The following SLC7A2 variants were observed in gnomAD, a reference collection of about 807,000 sequenced individuals.
SLC7A2 encodes the protein cationic amino acid transporter 2.
A neutral mutation model predicts 58.9 loss-of-function variants in SLC7A2; 48 were observed. That is an observed-to-expected ratio of 0.82 (90% confidence interval 0.65 to 1.04). The LOEUF is 1.04. SLC7A2 is among the 50% of genes least tolerant of loss of function. The pLI is 0.00. For synonymous variants in SLC7A2, 363 were observed against 314.5 expected, an observed-to-expected ratio of 1.15 and a Z score of -1.63; for missense variants, 1,029 against 818.8, an observed-to-expected ratio of 1.26 and a Z score of -3.13.
intron 6 of SLC7A2, 147 bp downstream of exon 6, chr8:17,550,581 T>C (rs1370663194): frequency 1.5e-6 from 1 of 672,934 alleles, no homozygotes; most frequent in Non-Finnish European, 2.4e-6. Context: ...CACGTGCTGC[T>C]GATGATAAAA....
chr8:17,563,848 C>T (rs1803141779), intron 12 of SLC7A2, 137 bp downstream of exon 12: 13 of 618,984 alleles, frequency 2.1e-5, no homozygotes, highest in South Asian at 1.5e-4. Context: ...TGTCCGAGTG[C>T]TTTTCCAGAT....
chr8:17,550,474 CTTG>C (rs745409733), intron 6 of SLC7A2, 40 bp downstream of exon 6: 1 of 1,593,922 alleles, frequency 6.3e-7, no homozygotes, highest in South Asian at 1.1e-5. Flanking sequence ...AGGAGTGTTC[CTTG>C]TTGTGCACGA....
At position 17,568,777 on chromosome 8, in the gene SLC7A2, A is replaced by G. The variant is rs1013777422; in HGVS notation, c.*3631A>G. The G allele has an allele frequency of 2.0e-5, 3 of 151,682 alleles. No homozygotes were observed. Among genetic ancestry groups the G allele is most frequent in the African/African-American group, 7.3e-5 (3 of 41,314 alleles). 9.4% of individuals were successfully genotyped at this position (151,682 alleles called of 1,614,324 possible). A position where few individuals can be genotyped will look rare whatever the true frequency, so the allele number is the denominator to read the frequency against. Reference sequence around the variant, plus strand: ...CCAGGAGTTTAAGACCGGCCTGAGTAGCATAGCAAGACCCTGTCTCTACAA... The same window carrying G: ...CCAGGAGTTTAAGACCGGCCTGAGTGGCATAGCAAGACCCTGTCTCTACAA... On this transcript the variant is annotated 3_prime_UTR_variant, in exon 13 of 13. Coordinates refer to ENST00000494857, the MANE Select transcript of SLC7A2 (RefSeq NM_001370338.1).
intron 5 of SLC7A2, among the ~76,000 whole-genome samples, chr8:17,549,844 AGTTTTGTTTC>A (rs1269987528): frequency 6.6e-6 from 1 of 152,198 alleles, no homozygotes; most frequent in African/African-American, 2.4e-5. Flanking sequence ...AAGACTAGGA[AGTTTTGTTTC>A]GTGTTTTTAA....
At chr8:17,510,896 T>C (rs2150666406) in intron 2 of SLC7A2, 1 of 152,272 alleles carries the variant, frequency 6.6e-6, no homozygotes, top group African/African-American at 2.4e-5. Flanking sequence ...GTGCCACATA[T>C]ACACCATGGA....
chr8:17,556,275 TA>T (rs1802697816), intron 8 of SLC7A2, among the ~76,000 whole-genome samples: 1 of 152,150 alleles, frequency 6.6e-6, no homozygotes, highest in Non-Finnish European at 1.5e-5. Flanking sequence ...ATTTAACTCA[TA>T]AAAAATTTTC....
At chr8:17,516,970 A>C (rs1022623632) in intron 2 of SLC7A2, among the ~76,000 whole-genome samples, 5 of 152,200 alleles carry the variant, frequency 3.3e-5, no homozygotes, top group East Asian at 1.9e-4. Context: ...CTGTCCCCAC[A>C]ATCAACACTG....
chr8:17,507,789 T>C (rs935897575), intron 2 of SLC7A2, among the ~76,000 whole-genome samples: 3 of 152,208 alleles, frequency 2.0e-5, no homozygotes, highest in Non-Finnish European at 4.4e-5. Flanking sequence ...TAAATTATTT[T>C]TCAAAGAGAT....
Position 17,550,295 on chromosome 8 carries a change from T to C in SLC7A2, c.699-6T>C, listed in dbSNP as rs1287888744. ...GACTTTCCAATGTGTTTGTTCTCTTTCTTAGAGAGCCACCTTCTGAAAACG... is the reference window on the plus strand; with the variant it reads ...GACTTTCCAATGTGTTTGTTCTCTTCCTTAGAGAGCCACCTTCTGAAAACG... On this transcript the variant is annotated splice_region_variant and splice_polypyrimidine_tract_variant and intron_variant, in intron 5 of 12. Coordinates refer to ENST00000494857, the MANE Select transcript of SLC7A2 (RefSeq NM_001370338.1). The C allele has an allele frequency of 6.2e-7, 1 of 1,613,452 alleles. No individual in the cohort carries two copies. Among genetic ancestry groups the C allele is most frequent in the East Asian group, 2.2e-5 (1 of 44,884 alleles).
Position 17,563,728 on chromosome 8 carries a change from C to A in SLC7A2, c.1780+17C>A, listed in dbSNP as rs200466963. 7.1e-7 allele frequency: 1 copy of A among 1,407,242 alleles called. No individual in the cohort carries two copies. The highest frequency in any genetic ancestry group is 1.2e-5 in the South Asian group (1 of 86,298). 87.2% of individuals were successfully genotyped at this position (1,407,242 alleles called of 1,614,324 possible). A position where few individuals can be genotyped will look rare whatever the true frequency, so the allele number is the denominator to read the frequency against. On this transcript the variant is annotated intron_variant, in intron 12 of 12. Transcript: ENST00000494857. ...TGGCAATTGGTAGGTCTTTTAATGT[C>A]GGGTTCTCTTTCCTATTTCATGTGC...
intron 7 of SLC7A2, among the ~76,000 whole-genome samples, chr8:17,553,628 T>G (rs1281239852): frequency 6.6e-6 from 1 of 152,082 alleles, no homozygotes; most frequent in Non-Finnish European, 1.5e-5. Flanking sequence ...AGAAATTAGC[T>G]GAGCATGGTG....
intron 2 of SLC7A2, among the ~76,000 whole-genome samples, chr8:17,531,614 AT>A (rs1433736875): frequency 6.6e-6 from 1 of 152,194 alleles, no homozygotes; most frequent in East Asian, 1.9e-4. Flanking sequence ...GATGGTTTGA[AT>A]TTTAAATTTT....
intron 7 of SLC7A2, among the ~76,000 whole-genome samples, chr8:17,552,829 C>T (rs911919474): frequency 9.9e-5 from 15 of 152,142 alleles, no homozygotes; most frequent in African/African-American, 3.4e-4. Flanking sequence ...TATCATGCCA[C>T]ATGGTAGAAG....
At chr8:17,516,804 A>G (rs1800822065) in intron 2 of SLC7A2, among the ~76,000 whole-genome samples, 1 of 152,218 alleles carries the variant, frequency 6.6e-6, no homozygotes, top group South Asian at 2.1e-4. Flanking sequence ...TTCAAGAAAA[A>G]CATGGATGCC....
intron 2 of SLC7A2, among the ~76,000 whole-genome samples, chr8:17,537,851 A>G (rs1232849229): frequency 1.3e-5 from 2 of 152,150 alleles, no homozygotes; most frequent in African/African-American, 4.8e-5. Context: ...TCCGGTTACC[A>G]AGGTGCTGAG....
rs746979193 is a variant in SLC7A2 at position 17,568,683 on chromosome 8, G to T, written c.*3537G>T. On this transcript the variant is annotated 3_prime_UTR_variant, in exon 13 of 13. Transcript: ENST00000494857. ...AGTTGTTAAAAAAATTTTAAGGCCA[G>T]GCATGGTGGCTCGCTCACACCTATA... 2.6e-5 allele frequency: 4 copies of T among 152,124 alleles called. No individual in the cohort carries two copies. The highest frequency in any genetic ancestry group is 5.9e-5 in the Non-Finnish European group (4 of 68,022). 9.4% of individuals were successfully genotyped at this position (152,124 alleles called of 1,614,324 possible).
rs61512531 is a variant in SLC7A2, at chr8:17,520,641, TAAA to T, written c.-23+18366_-23+18368del. The T allele has an allele frequency of 4.0e-3, 242 of 61,118 alleles. 4 individuals carry two copies. In the Middle Eastern group the frequency reaches 0.081, roughly 20 times the overall value. The allele number at this position is 61,118 out of a possible 1,614,324, so 3.8% of individuals were successfully genotyped here. A position where few individuals can be genotyped will look rare whatever the true frequency, so the allele number is the denominator to read the frequency against. On this transcript the variant is annotated intron_variant, in intron 2 of 12. Coordinates refer to ENST00000494857, the MANE Select transcript of SLC7A2 (RefSeq NM_001370338.1). ...GGGCAACAGAGTGAGACTCTGTCTT[TAAA>T]AAAAAAAAAAAAAAAAAAAAAAAAA... is the stretch of plus-strand genomic sequence containing the variant.
intron 2 of SLC7A2, among the ~76,000 whole-genome samples, chr8:17,539,087 A>G (rs1241442152): frequency 1.3e-5 from 2 of 152,242 alleles, no homozygotes. Flanking sequence ...GACTATGATT[A>G]GCAGATTTGG....
At chr8:17,511,518 G>T (rs1800603743) in intron 2 of SLC7A2, among the ~76,000 whole-genome samples, 1 of 152,128 alleles carries the variant, frequency 6.6e-6, no homozygotes, top group Non-Finnish European at 1.5e-5. Flanking sequence ...ACAGTTACTG[G>T]TTTTTGACAT....
Sources: allele counts gnomAD v4.1 joint callset (sites outside exome capture counted in the v4.1 genomes callset), GRCh38; gene constraint gnomAD v4.1.1; transcripts MANE v1.5; gene names NCBI Gene and HGNC (gene_info 2026-07-23, HGNC 2026-07-21).